The following ATRNL1 variants were observed in gnomAD, a reference collection of about 807,000 sequenced individuals.
ATRNL1 encodes the protein attractin-like protein 1.
ATRNL1 carries 95 observed loss-of-function variants against 182.7 expected under a neutral mutation model. That is an observed-to-expected ratio of 0.52 (90% CI 0.44 to 0.62). ATRNL1 has a LOEUF of 0.62. Ranked by LOEUF, ATRNL1 falls within the 20% of genes least tolerant of loss-of-function variation. ATRNL1 has a pLI of 0.00. For missense variants in ATRNL1, 1,471 were observed against 1,679.5 expected (o/e 0.88, Z 2.17); for synonymous variants, 576 against 568.3 (o/e 1.01, Z -0.19).
At chr10:115,668,279 A>T (rs1861117145) in intron 26 of ATRNL1, among the ~76,000 whole-genome samples, 1 of 152,122 alleles carries the variant, frequency 6.6e-6, no homozygotes, top group South Asian at 2.1e-4. Context: ...CCAGTGGGGT[A>T]ACTTCAAAAT....
intron 26 of ATRNL1, among the ~76,000 whole-genome samples, chr10:115,684,005 T>C (rs1431235455): frequency 2.0e-5 from 3 of 151,736 alleles, no homozygotes; most frequent in African/African-American, 7.2e-5. Context: ...CATATTTTTA[T>C]CTAATCATGT....
intron 28 of ATRNL1, among the ~76,000 whole-genome samples, chr10:115,886,134 A>G (rs543787893): frequency 6.6e-6 from 1 of 152,316 alleles, no homozygotes; most frequent in East Asian, 1.9e-4. Context: ...AAAGGACCTC[A>G]TAGTATGCAG....
intron 27 of ATRNL1, among the ~76,000 whole-genome samples, chr10:115,765,771 AT>A (rs1403240178): frequency 2.6e-5 from 4 of 152,100 alleles, no homozygotes; most frequent in Non-Finnish European, 5.9e-5. Context: ...ATCATTTTGC[AT>A]TTTACATTTA....
chr10:115,494,420 C>T (rs1480465976), intron 24 of ATRNL1, among the ~76,000 whole-genome samples: 1 of 152,072 alleles, frequency 6.6e-6, no homozygotes, highest in Non-Finnish European at 1.5e-5. Context: ...CCCAGTTCTC[C>T]AGGGGAATGC....
chr10:115,144,914 TAAA>T (rs5788095), intron 5 of ATRNL1, among the ~76,000 whole-genome samples: 1 of 151,816 alleles, frequency 6.6e-6, no homozygotes. Flanking sequence ...ATTTTATTAA[TAAA>T]AAATTGAATT....
chr10:115,098,980 A>G (rs1443732330), intron 1 of ATRNL1, among the ~76,000 whole-genome samples: 1 of 152,216 alleles, frequency 6.6e-6, no homozygotes, highest in Admixed American at 6.5e-5. Flanking sequence ...ACAATTTGAT[A>G]AGTTTTGTCA....
intron 25 of ATRNL1, among the ~76,000 whole-genome samples, chr10:115,529,903 C>T (rs540464724): frequency 1.3e-5 from 2 of 152,210 alleles, no homozygotes; most frequent in South Asian, 4.1e-4. Context: ...TTTACATACC[C>T]CTAGTTCTGA....
intron 21 of ATRNL1, among the ~76,000 whole-genome samples, chr10:115,433,042 T>C (rs1158715719): frequency 6.6e-6 from 1 of 152,070 alleles, no homozygotes; most frequent in African/African-American, 2.4e-5. Context: ...ATTATTGTGT[T>C]TTAATATACT....
At chr10:115,389,544 A>ATATATATATG (rs1843876534) in intron 19 of ATRNL1, among the ~76,000 whole-genome samples, 7 of 10,430 alleles carry the variant, frequency 6.7e-4, no homozygotes, top group African/African-American at 3.4e-3. Context: ...GTATGTGTAT[A>ATATATATATG]TATATATATA....
At chr10:115,146,303 A>G (rs1210635077) in intron 5 of ATRNL1, among the ~76,000 whole-genome samples, 3 of 152,122 alleles carry the variant, frequency 2.0e-5, no homozygotes, top group Non-Finnish European at 2.9e-5. Context: ...ATCCTGGAGT[A>G]AGATTATTTT....
At chr10:115,736,615 A>G (rs1555065792) in intron 27 of ATRNL1, among the ~76,000 whole-genome samples, 3 of 152,004 alleles carry the variant, frequency 2.0e-5, no homozygotes, top group African/African-American at 4.8e-5. Context: ...CTCTTATATG[A>G]TCTTAGTTTG....
At chr10:115,850,185 T>G (rs1951022301) in intron 28 of ATRNL1, among the ~76,000 whole-genome samples, 1 of 152,102 alleles carries the variant, frequency 6.6e-6, no homozygotes, top group Non-Finnish European at 1.5e-5. Context: ...ATAAAGCAAG[T>G]AAAGTAAAAT....
chr10:115,387,192 C>T (rs1858411992), intron 19 of ATRNL1, among the ~76,000 whole-genome samples: 1 of 152,044 alleles, frequency 6.6e-6, no homozygotes, highest in African/African-American at 2.4e-5. Flanking sequence ...AAAGGTTAGT[C>T]TTAAGATCAG....
chr10:115,112,240 C>G (rs1249049605), intron 1 of ATRNL1, among the ~76,000 whole-genome samples: 1 of 152,134 alleles, frequency 6.6e-6, no homozygotes, highest in African/African-American at 2.4e-5. Flanking sequence ...AAGTAATCCA[C>G]AGATTCTATG....
At chr10:115,846,043 T>C (rs1486795110) in intron 27 of ATRNL1, among the ~76,000 whole-genome samples, 2 of 152,114 alleles carry the variant, frequency 1.3e-5, no homozygotes, top group African/African-American at 4.8e-5. Context: ...GGAGAATATC[T>C]ATGTACTTAT....
chr10:115,237,890 CT>C (rs1288044241), intron 9 of ATRNL1, among the ~76,000 whole-genome samples: 8 of 152,202 alleles, frequency 5.3e-5, no homozygotes, highest in Non-Finnish European at 1.2e-4. Context: ...GCGATCTATT[CT>C]GAGTTAATTT....
At chr10:115,861,625 C>A (rs1951318582) in intron 28 of ATRNL1, among the ~76,000 whole-genome samples, 1 of 152,254 alleles carries the variant, frequency 6.6e-6, no homozygotes, top group African/African-American at 2.4e-5. Context: ...TTGTCTCAGC[C>A]CCATCCTTGT....
chr10:115,270,314 A>G (rs1221258181), intron 13 of ATRNL1, among the ~76,000 whole-genome samples: 6 of 145,362 alleles, frequency 4.1e-5, no homozygotes, highest in Non-Finnish European at 9.1e-5. Context: ...TTTATATATT[A>G]TATATAAATA....
intron 21 of ATRNL1, among the ~76,000 whole-genome samples, chr10:115,445,302 C>T (rs1592668513): frequency 6.6e-6 from 1 of 151,050 alleles, no homozygotes; most frequent in South Asian, 2.1e-4. Context: ...TGTGGGGGCA[C>T]ACGCCTGTAA....
Sources: allele counts gnomAD v4.1 joint callset (sites outside exome capture counted in the v4.1 genomes callset), GRCh38; gene constraint gnomAD v4.1.1; transcripts MANE v1.5; gene names NCBI Gene and HGNC (gene_info 2026-07-23, HGNC 2026-07-21).